Variants in BRINP2 observed in about 807,000 individuals in gnomAD.
BRINP2 encodes BMP/retinoic acid-inducible neural-specific protein 2.
In BRINP2, 21 loss-of-function variants were observed where a neutral mutation model predicts 69.2. The observed-to-expected ratio is 0.30, with a 90% CI of 0.22 to 0.44. The LOEUF (loss-of-function observed/expected upper bound fraction) is 0.44, where lower values mean the gene tolerates loss of function less well. Among genes scored for constraint, BRINP2 ranks in the 20% least tolerant of loss-of-function variants. The pLI, the probability that BRINP2 is intolerant of heterozygous loss-of-function variation, is 1.00. For missense variants in BRINP2, 877 were observed against 986.0 expected, an observed-to-expected ratio of 0.89 and a Z score of 1.48; for synonymous variants, 380 against 394.1, an observed-to-expected ratio of 0.96 and a Z score of 0.42.
intron 1 of BRINP2, among the ~76,000 whole-genome samples, chr1:177,175,515 A>G (rs1206403186): frequency 1.3e-5 from 2 of 152,204 alleles, no homozygotes; most frequent in Non-Finnish European, 2.9e-5. Context: ...AGGACTGGTA[A>G]CACAACAACC....
At chr1:177,244,760 T>C (rs1650322418) in intron 2 of BRINP2, among the ~76,000 whole-genome samples, 1 of 152,340 alleles carries the variant, frequency 6.6e-6, no homozygotes, top group African/African-American at 2.4e-5. Context: ...GTGTTTATTC[T>C]GGGGCCCAGG....
chr1:177,219,717 C>T (rs185408722), intron 1 of BRINP2, among the ~76,000 whole-genome samples: 1 of 152,322 alleles, frequency 6.6e-6, no homozygotes, highest in Admixed American at 6.5e-5. Flanking sequence ...GGCAGAAAGC[C>T]AAGAGCAAGA....
intron 1 of BRINP2, among the ~76,000 whole-genome samples, chr1:177,182,128 C>CTCCCA (rs1648276584): frequency 6.9e-6 from 1 of 144,776 alleles, no homozygotes; most frequent in Non-Finnish European, 1.5e-5. Flanking sequence ...TGCCCCACCC[C>CTCCCA]TCCCATCCTC....
chr1:177,256,129 C>T lies in BRINP2; in HGVS notation c.460+20C>T. The T allele has an allele frequency of 6.2e-7, 1 of 1,610,228 alleles. No individual in the cohort carries two copies. The highest frequency in any genetic ancestry group is 1.1e-5 in the South Asian group (1 of 90,800). On this transcript the variant is annotated intron_variant, in intron 3 of 7. Transcript: ENST00000361539. ...TTGGAGGTAAGCAACATCACAATCC[C>T]AAGCTAATTGGTTGCCAGACCATTG...
intron 6 of BRINP2, among the ~76,000 whole-genome samples, chr1:177,277,701 T>A (rs549009073): frequency 6.6e-6 from 1 of 152,184 alleles, no homozygotes; most frequent in Admixed American, 6.5e-5. Context: ...CCCAGGCTCA[T>A]GCTTTGGGCT....
intron 4 of BRINP2, among the ~76,000 whole-genome samples, chr1:177,261,870 G>A (rs913908658): frequency 3.3e-5 from 5 of 152,108 alleles, no homozygotes; most frequent in Non-Finnish European, 7.3e-5. Flanking sequence ...GAACCAAAGC[G>A]GGCTCACAAA....
At chr1:177,222,346 C>T (rs1330584004) in intron 1 of BRINP2, among the ~76,000 whole-genome samples, 1 of 152,040 alleles carries the variant, frequency 6.6e-6, no homozygotes, top group Non-Finnish European at 1.5e-5. Flanking sequence ...GCGTCTCACT[C>T]TATTGCCCAG....
In BRINP2 at chr1:177,229,874, A is replaced by G. The variant is rs1371128974; in HGVS notation, c.-3A>G. 3.8e-6 allele frequency: 6 copies of G among 1,577,568 alleles called. No homozygotes were observed. The highest frequency in any genetic ancestry group is 5.2e-6 in the Non-Finnish European group (6 of 1,156,634). On this transcript the variant is annotated 5_prime_UTR_variant, in exon 2 of 8. Transcript: ENST00000361539. ...ATGAAGAAACCAATCGCCCGGGAGA[A>G]GCATGAGGTGGCAGTGTGGCACTCG...
chr1:177,272,468 G>A (rs1312109380), intron 4 of BRINP2, among the ~76,000 whole-genome samples: 2 of 152,204 alleles, frequency 1.3e-5, no homozygotes, highest in Non-Finnish European at 2.9e-5. Context: ...CGACAACATG[G>A]TGAGCAAAAT....
At chr1:177,208,573 T>A (rs1558159781) in intron 1 of BRINP2, among the ~76,000 whole-genome samples, 1 of 152,232 alleles carries the variant, frequency 6.6e-6, no homozygotes. Context: ...CATTATTCTC[T>A]GGCCCCTTCT....
chr1:177,231,669 T>C (rs776370432), intron 2 of BRINP2, among the ~76,000 whole-genome samples: 30 of 152,358 alleles, frequency 2.0e-4, no homozygotes, highest in Non-Finnish European at 3.5e-4. Context: ...TTTCTCCCAC[T>C]GTGCTTAGAT....
At position 177,281,440 on chromosome 1, in the gene BRINP2, A is replaced by C; in HGVS notation, c.2264A>C (p.Glu755Ala). 1 of 1,614,034 alleles carries C rather than the reference A, an allele frequency of 6.2e-7. No homozygotes were observed. The change falls in exon 8 of 8, where the codon GAG (glutamate) becomes GCG (alanine). Residue 755 changes from glutamate to alanine, a missense_variant. Transcript: ENST00000361539. The stretch of plus-strand genomic sequence containing the variant: ...CATCGGCTTAAGCTGGCCAACAATG[A>C]GGTGGGCAGGATCCAGTCCTCCCTG... ...LRHRLKLANNEVGRIQSSLRA... is the reference protein window; with the variant it reads ...LRHRLKLANNAVGRIQSSLRA...
At chr1:177,210,921 ATAT>A (rs1649203300) in intron 1 of BRINP2, among the ~76,000 whole-genome samples, 1 of 150,486 alleles carries the variant, frequency 6.6e-6, no homozygotes, top group African/African-American at 2.4e-5. Context: ...GTTAAATAAA[ATAT>A]TATTAAAATT....
chr1:177,178,000 C>T lies in BRINP2; in HGVS notation c.-77+6268C>T, dbSNP rs145259593. ...TACCAAAATCCACCCGACTTCCAAACGAATAATGAAGAAATGTAAATTGTC... is the reference window on the plus strand; with the variant it reads ...TACCAAAATCCACCCGACTTCCAAATGAATAATGAAGAAATGTAAATTGTC... On this transcript the variant is annotated intron_variant, in intron 1 of 7. Coordinates refer to ENST00000361539, the MANE Select transcript of BRINP2 (RefSeq NM_021165.4). 4.6e-5 allele frequency among the ~76,000 whole-genome samples: 7 copies of T among 152,306 alleles called. No homozygotes were observed. The East Asian group carries it at 9.6e-4, about 21-fold the overall frequency.
At chr1:177,174,906 T>C (rs556024653) in intron 1 of BRINP2, among the ~76,000 whole-genome samples, 2 of 152,322 alleles carry the variant, frequency 1.3e-5, no homozygotes, top group Non-Finnish European at 2.9e-5. Flanking sequence ...AAGTCTAATC[T>C]ATATATTGTG....
chr1:177,200,312 A>AAAAAAAAAAAAAAAAAAAAAAAAAAAC, intron 1 of BRINP2, among the ~76,000 whole-genome samples: 1 of 149,542 alleles, frequency 6.7e-6, no homozygotes, highest in Non-Finnish European at 1.5e-5. Context: ...AAAAAAAAAA[A>AAAAAAAAAAAAAAAAAAAAAAAAAAAC]AAAAAAAAAA....
chr1:177,176,953 G>A (rs889773692), intron 1 of BRINP2, among the ~76,000 whole-genome samples: 1 of 152,100 alleles, frequency 6.6e-6, no homozygotes, highest in Non-Finnish European at 1.5e-5. Context: ...CAAAGGGTGA[G>A]GACACAATAG....
chr1:177,196,302 A>G (rs1431400850), intron 1 of BRINP2, among the ~76,000 whole-genome samples: 2 of 152,146 alleles, frequency 1.3e-5, no homozygotes, highest in African/African-American at 4.8e-5. Flanking sequence ...TCGTTTAAGG[A>G]GGGGTCCAGC....
intron 2 of BRINP2, among the ~76,000 whole-genome samples, chr1:177,234,325 C>T (rs900240965): frequency 1.3e-5 from 2 of 152,164 alleles, no homozygotes; most frequent in African/African-American, 2.4e-5. Flanking sequence ...AAGTCTCCTG[C>T]TCATTACTCT....
Sources: gnomAD v4.1 joint callset for allele counts (sites outside exome capture counted in the v4.1 genomes callset) on GRCh38, gnomAD v4.1.1 for gene constraint, MANE v1.5 for transcripts, NCBI Gene and HGNC (gene_info 2026-07-23, HGNC 2026-07-21) for gene names.